Variants in IRGQ observed in about 807,000 individuals in gnomAD.
IRGQ encodes the protein immunity-related GTPase family Q protein.
Under a neutral mutation model 10.5 loss-of-function variants are expected in IRGQ, and 5 were observed. The ratio of observed to expected loss-of-function variants is 0.48; its 90% CI spans 0.25 to 1.00. The LOEUF is 1.00. Among genes scored for constraint, IRGQ ranks in the 50% least tolerant of loss-of-function variants. The pLI is 0.16. For synonymous variants in IRGQ, 418 were observed against 426.0 expected (o/e 0.98, Z 0.23); for missense variants, 792 against 877.7 (o/e 0.90, Z 1.23).
rs748112584 is a variant in IRGQ at position 43,592,265 on chromosome 19, C to A, written c.1633G>T (p.Ala545Ser). 3.2e-6 allele frequency: 5 copies of A among 1,574,704 alleles called. No individual in the cohort carries two copies. The highest frequency in any genetic ancestry group is 4.3e-6 in the Non-Finnish European group (5 of 1,168,550). The change falls in exon 3 of 3, where the codon GCT becomes TCT. Residue 545 changes from alanine (A) to serine (S), a missense_variant. Ala to Ser is a moderately conservative substitution (Grantham distance 99, BLOSUM62 1). Transcript: ENST00000422989. ...GLASGELAARAHFPGPVTRAE... is the reference protein window; with the variant it reads ...GLASGELAARSHFPGPVTRAE... ...CGCGTCACCGGGCCTGGGAAATGAG[C>A]GCGCGCTGCCAGCTCTCCAGAAGCC...
intron 1 of IRGQ, 70 bp from the exon 2 acceptor site, chr19:43,595,410 CT>C: frequency 7.0e-7 from 1 of 1,427,400 alleles, no homozygotes; most frequent in Non-Finnish European, 9.3e-7. Context: ...AGCCGCCCCA[CT>C]CGGAACCCAG....
In IRGQ at chr19:43,590,211, A is replaced by G. The variant is rs1421806729; in HGVS notation, c.*1815T>C. ...GGTGAGACTCCATTTCAAAAAAAAAAAGAAGGAAAGTCTATCAGGCTGGAC... is the reference window on the plus strand; with the variant it reads ...GGTGAGACTCCATTTCAAAAAAAAAGAGAAGGAAAGTCTATCAGGCTGGAC... On this transcript the variant is annotated 3_prime_UTR_variant, in exon 3 of 3. Transcript: ENST00000422989. 1.3e-5 allele frequency: 2 copies of G among 152,364 alleles called. No individual in the cohort carries two copies. The highest frequency in any genetic ancestry group is 6.6e-5 in the Admixed American group (1 of 15,264). 9.4% of individuals were successfully genotyped at this position (152,364 alleles called of 1,614,324 possible). A position where few individuals can be genotyped will look rare whatever the true frequency, so the allele number is the denominator to read the frequency against.
rs1973000594 is a variant in IRGQ at position 43,586,894 on chromosome 19, C to T, written c.*5132G>A. The T allele has an allele frequency of 6.6e-6, 1 of 152,172 alleles. No individual in the cohort carries two copies. The highest frequency in any genetic ancestry group is 1.5e-5 in the Non-Finnish European group (1 of 68,028). The allele number at this position is 152,172 out of a possible 1,614,324, so 9.4% of individuals were successfully genotyped here. On this transcript the variant is annotated 3_prime_UTR_variant, in exon 3 of 3. Coordinates refer to ENST00000422989, the MANE Select transcript of IRGQ (RefSeq NM_001007561.3). Reference sequence around the variant, plus strand: ...AGGACTATCTGCCCCTAGAGCTAGACTGATAGAATTTTCTATGTTGATGGA... The same window carrying T: ...AGGACTATCTGCCCCTAGAGCTAGATTGATAGAATTTTCTATGTTGATGGA...
chr19:43,594,462 A>T (rs1368213275), intron 2 of IRGQ, among the ~76,000 whole-genome samples: 2 of 152,068 alleles, frequency 1.3e-5, no homozygotes, highest in Non-Finnish European at 2.9e-5. Flanking sequence ...GGATCATTTG[A>T]GCCCAGGAGG....
Position 43,592,138 on chromosome 19 carries a change from G to T in IRGQ, c.1760C>A (p.Ala587Glu). 6.2e-7 allele frequency: 1 copy of T among 1,610,794 alleles called. No homozygotes were observed. The change falls in exon 3 of 3, where the codon GCG becomes GAG. Residue 587 changes from alanine (A) to glutamate (E), a missense_variant. Physicochemically the swap from Ala to Glu is moderately radical, Grantham distance 107 (BLOSUM62 -1). Coordinates refer to ENST00000422989, the MANE Select transcript of IRGQ (RefSeq NM_001007561.3). Reference protein sequence around the residue: ...LSFLWPAGGAAATGGLGYRAA... With the variant: ...LSFLWPAGGAEATGGLGYRAA... ...TCGGTAGCCCAGGCCACCTGTCGCC[G>T]CTGCACCACCCGCAGGCCACAGGAA...
At chr19:43,594,607 G>A (rs1439745188) in intron 2 of IRGQ, among the ~76,000 whole-genome samples, 3 of 152,154 alleles carry the variant, frequency 2.0e-5, no homozygotes, top group African/African-American at 7.2e-5. Context: ...GCTGAGGCGG[G>A]AGTATTGCTT....
Position 43,587,010 on chromosome 19 carries a change from G to T in IRGQ, c.*5016C>A, listed in dbSNP as rs1973001942. The T allele has an allele frequency of 6.6e-6, 1 of 152,166 alleles. No individual in the cohort carries two copies. The highest frequency in any genetic ancestry group is 2.1e-4 in the South Asian group (1 of 4,826). The allele number at this position is 152,166 out of a possible 1,614,324, so 9.4% of individuals were successfully genotyped here. ...GTTGCACTACTGCCAATGAAACATA[G>T]AATTTTAAGTTGTATTTACTTTTAA... On this transcript the variant is annotated 3_prime_UTR_variant, in exon 3 of 3. Transcript: ENST00000422989.
chr19:43,595,756 T>C (rs2146101918), intron 1 of IRGQ, among the ~76,000 whole-genome samples: 1 of 152,128 alleles, frequency 6.6e-6, no homozygotes, highest in East Asian at 1.9e-4. Context: ...TGTGCGCCTG[T>C]AGCCCCAGCT....
chr19:43,592,213 G>A lies in IRGQ; in HGVS notation c.1685C>T (p.Ala562Val). Residue 562 changes from alanine (A) to valine (V), a missense_variant, in exon 3 of 3, where the codon GCC (alanine) becomes GTC (valine). Physicochemically the swap from Ala to Val is moderately conservative, Grantham distance 64. Transcript: ENST00000422989. Reference sequence around the variant, plus strand: ...CCCAGCAGTGCCCTCGCCCGCCCAGGCGCCCAGTCTTGCTTCCACCTCGGC... The same window carrying A: ...CCCAGCAGTGCCCTCGCCCGCCCAGACGCCCAGTCTTGCTTCCACCTCGGC... The part of the protein sequence containing the change: ...TRAEVEARLG[A>V]WAGEGTAGGA... 6.3e-7 allele frequency: 1 copy of A among 1,590,424 alleles called. No individual in the cohort carries two copies.
Position 43,592,532 on chromosome 19 carries a change from C to T in IRGQ, c.1366G>A (p.Gly456Arg), listed in dbSNP as rs1221114253. The T allele has an allele frequency of 2.5e-6, 4 of 1,596,612 alleles. No homozygotes were observed. The highest frequency in any genetic ancestry group is 3.4e-6 in the Non-Finnish European group (4 of 1,178,574). Residue 456 changes from glycine to arginine, a missense_variant, in exon 3 of 3, where the codon GGG (glycine) becomes AGG (arginine). Physicochemically the swap from Gly to Arg is moderately radical, Grantham distance 125 (BLOSUM62 -2). Transcript: ENST00000422989. Reference sequence around the variant, plus strand: ...GGTGGCAACGCCAGCAGCAGTGCCCCTGCCTGGGCTGGGGGGAGCGCTCGC... The same window carrying T: ...GGTGGCAACGCCAGCAGCAGTGCCCTTGCCTGGGCTGGGGGGAGCGCTCGC... ...LRRALPPAQA[G>R]ALLLALPPAS...
In IRGQ at chr19:43,593,479, G is replaced by T; in HGVS notation, c.531-112C>A. The T allele has an allele frequency of 8.6e-7, 1 of 1,159,518 alleles. No individual in the cohort carries two copies. Among genetic ancestry groups the T allele is most frequent in the Non-Finnish European group, 1.1e-6 (1 of 872,622 alleles). The allele number at this position is 1,159,518 out of a possible 1,614,324, so 71.8% of individuals were successfully genotyped here. Reference sequence around the variant, plus strand: ...CTAATGATCCCAGAATGGGGCAGGGGTAGGAAAGGGAAGGGCCAGACTGAT... The same window carrying T: ...CTAATGATCCCAGAATGGGGCAGGGTTAGGAAAGGGAAGGGCCAGACTGAT... On this transcript the variant is annotated intron_variant, in intron 2 of 2. Transcript: ENST00000422989. The surrounding 1 kb of genome is among the most constrained non-coding windows in gnomAD (Gnocchi z 6.4).
Position 43,596,126 on chromosome 19 carries a change from C to CTT in IRGQ, c.-149_-148dup, listed in dbSNP as rs1973136048. 6.6e-6 allele frequency: 1 copy of CTT among 152,214 alleles called. No individual in the cohort carries two copies. The highest frequency in any genetic ancestry group is 1.5e-5 in the Non-Finnish European group (1 of 68,052). The allele number at this position is 152,214 out of a possible 1,614,324, so 9.4% of individuals were successfully genotyped here. A position where few individuals can be genotyped will look rare whatever the true frequency, so the allele number is the denominator to read the frequency against. On this transcript the variant is annotated 5_prime_UTR_variant, in exon 1 of 3. Transcript: ENST00000422989. ...GAGATGCCGGGACCCGTCCCGGTAG[C>CTT]TTTAACCTGACGTCACTCCCTCTCC...
Position 43,589,165 on chromosome 19 carries a change from C to T in IRGQ, c.*2861G>A, listed in dbSNP as rs1413434168. The T allele has an allele frequency of 6.6e-6, 1 of 152,228 alleles. No individual in the cohort carries two copies. The highest frequency in any genetic ancestry group is 2.4e-5 in the African/African-American group (1 of 41,454). The allele number at this position is 152,228 out of a possible 1,614,324, so 9.4% of individuals were successfully genotyped here. A position where few individuals can be genotyped will look rare whatever the true frequency, so the allele number is the denominator to read the frequency against. On this transcript the variant is annotated 3_prime_UTR_variant, in exon 3 of 3. Transcript: ENST00000422989. ...TAACACACAGTGACAGTGGCAAAGT[C>T]GTGCTTGCTTCCCAGGTCCCTGACC...
chr19:43,584,881 C>T lies in IRGQ; in HGVS notation c.*7145G>A, dbSNP rs1444244438. ...TTATTTTTTTAGACATTGTCTTGCT[C>T]TGTCACCCAGGCTGGAGTGCAGTGG... is the stretch of plus-strand genomic sequence containing the variant. On this transcript the variant is annotated 3_prime_UTR_variant, in exon 3 of 3. Coordinates refer to ENST00000422989, the MANE Select transcript of IRGQ (RefSeq NM_001007561.3). 1.3e-5 allele frequency: 2 copies of T among 152,264 alleles called. No individual in the cohort carries two copies. Among genetic ancestry groups the T allele is most frequent in the Non-Finnish European group, 2.9e-5 (2 of 68,126 alleles). The allele number at this position is 152,264 out of a possible 1,614,324, so 9.4% of individuals were successfully genotyped here.
In IRGQ at chr19:43,594,981, C is replaced by A. The variant is rs976147613; in HGVS notation, c.358G>T (p.Asp120Tyr). The part of the protein sequence containing the change: ...LLAVRNLRPG[D>Y]SQTAAQARDQ... ...CGGGCCTGGGCGGCAGTCTGTGAAT[C>A]CCCAGGACGGAGGTTCCGCACAGCC... The change falls in exon 2 of 3, where the codon GAT becomes TAT. Residue 120 changes from aspartate to tyrosine, a missense_variant. Asp to Tyr is a radical substitution (Grantham distance 160). Transcript: ENST00000422989. 1.2e-6 allele frequency: 2 copies of A among 1,613,834 alleles called. No homozygotes were observed. Among genetic ancestry groups the A allele is most frequent in the African/African-American group, 2.7e-5 (2 of 74,948 alleles).
Position 43,593,206 on chromosome 19 carries a change from C to T in IRGQ, c.692G>A (p.Gly231Asp), listed in dbSNP as rs144445040. Residue 231 changes from glycine to aspartate, a missense_variant, in exon 3 of 3, where the codon GGC (glycine) becomes GAC (aspartate). Coordinates refer to ENST00000422989, the MANE Select transcript of IRGQ (RefSeq NM_001007561.3). The surrounding 1 kb of genome is among the most constrained non-coding windows in gnomAD (Gnocchi z 6.4). Reference protein sequence around the residue: ...GSARLDLAVAGKADVGLVVDM... With the variant: ...GSARLDLAVADKADVGLVVDM... ...CACCACAAGGCCCACGTCAGCCTTG[C>T]CAGCCACGGCCAGGTCTAGCCGTGC... The T allele has an allele frequency of 2.9e-4, 462 of 1,572,560 alleles. 2 individuals are homozygous for T. Among genetic ancestry groups the T allele is most frequent in the Admixed American group, 4.1e-4 (22 of 53,752 alleles).
rs1973090350 is a variant in IRGQ at position 43,593,507 on chromosome 19, C to T, written c.531-140G>A. The T allele has an allele frequency of 2.7e-6, 2 of 753,468 alleles. No individual in the cohort carries two copies. Among genetic ancestry groups the T allele is most frequent in the Admixed American group, 3.6e-5 (1 of 27,780 alleles). The allele number at this position is 753,468 out of a possible 1,614,324, so 46.7% of individuals were successfully genotyped here. ...GGAAAGGGAAGGGCCAGACTGATGGCACAGCAAATAGAAACCAGATAGGGA... is the reference window on the plus strand; with the variant it reads ...GGAAAGGGAAGGGCCAGACTGATGGTACAGCAAATAGAAACCAGATAGGGA... On this transcript the variant is annotated intron_variant, in intron 2 of 2. Transcript: ENST00000422989. The surrounding 1 kb of genome is among the most constrained non-coding windows in gnomAD (Gnocchi z 6.4).
chr19:43,591,783 G>A lies in IRGQ; in HGVS notation c.*243C>T, dbSNP rs1039432820. On this transcript the variant is annotated 3_prime_UTR_variant, in exon 3 of 3. Transcript: ENST00000422989. ...GAATCGCTTGAACCCGGGAGGCGGA[G>A]GTTGCAGTGAGCCGAGGTCGCGCCA... is the stretch of plus-strand genomic sequence containing the variant. The A allele has an allele frequency of 9.0e-5, 34 of 376,332 alleles. No individual in the cohort carries two copies. In the East Asian group the frequency reaches 1.3e-3, roughly 15 times the overall value. The allele number at this position is 376,332 out of a possible 1,614,324, so 23.3% of individuals were successfully genotyped here.
chr19:43,594,500 G>A (rs1251950322), intron 2 of IRGQ, among the ~76,000 whole-genome samples: 5 of 151,852 alleles, frequency 3.3e-5, no homozygotes, highest in East Asian at 3.9e-4. Context: ...CTAGGATCGC[G>A]GCACTGCACT....
Sources: gnomAD v4.1 joint callset for allele counts (sites outside exome capture counted in the v4.1 genomes callset) on GRCh38, gnomAD v4.1.1 for gene constraint, Gnocchi (gnomAD v3.1) non-coding constraint, MANE v1.5 for transcripts, NCBI Gene and HGNC (gene_info 2026-07-23, HGNC 2026-07-21) for gene names.